Variants in SCYL1 observed in about 807,000 individuals in gnomAD.
The protein encoded by SCYL1 is SCY1 like pseudokinase 1.
SCYL1 carries 85 observed loss-of-function variants against 94.8 expected under a neutral mutation model. That is an observed-to-expected ratio of 0.90 (90% CI 0.75 to 1.07). The LOEUF is 1.07. Among genes scored for constraint, SCYL1 ranks in the 50% least tolerant of loss-of-function variants. The pLI is 0.00. For missense variants in SCYL1, 968 were observed against 1,083.3 expected (o/e 0.89, Z 1.49); for synonymous variants, 459 against 435.5 (o/e 1.05, Z -0.67).
In SCYL1 at chr11:65,526,810, C is replaced by T. The variant is rs1855105853; in HGVS notation, c.630C>T (p.Cys210=). 6.2e-7 allele frequency: 1 copy of T among 1,613,048 alleles called. No homozygotes were observed. The highest frequency in any genetic ancestry group is 1.1e-5 in the South Asian group (1 of 91,070). The change falls in exon 5 of 18, where the codon TGC becomes TGT. Residue 210 remains cysteine (C), a synonymous_variant. Coordinates refer to ENST00000270176, the MANE Select transcript of SCYL1 (RefSeq NM_020680.4). This position sits in a 1 kb window ranked among gnomAD's most constrained non-coding sequence, Gnocchi z 4.1. ...CAGCAGACATGTGGCGCTTGGGCTG[C>T]CTCATTTGGGAAGTCTTCAATGGGC... The part of the protein sequence containing the change: ...KWSADMWRLG[C]LIWEVFNGPL...
At chr11:65,538,410 G>C (rs1244250548) in intron 17 of SCYL1, 32 bp from the exon 18 acceptor site, 1 of 1,542,202 alleles carries the variant, frequency 6.5e-7, no homozygotes, top group Admixed American at 2.0e-5. Flanking sequence ...TGGCTGGAGA[G>C]CTGAGACCGG....
chr11:65,536,822 G>A lies in SCYL1; in HGVS notation c.1816+72G>A, dbSNP rs529349035. On this transcript the variant is annotated intron_variant, in intron 13 of 17. Coordinates refer to ENST00000270176, the MANE Select transcript of SCYL1 (RefSeq NM_020680.4). ...CTGCAGGCACCCAGGAACTCTTACT[G>A]TCTGACTCCCCCGGGGATGGTGAAG... 6.7e-3 allele frequency: 10,011 copies of A among 1,497,816 alleles called. 56 individuals carry two copies. The highest frequency in any genetic ancestry group is 7.5e-3 in the Non-Finnish European group (8,162 of 1,093,720). The allele number at this position is 1,497,816 out of a possible 1,614,324, so 92.8% of individuals were successfully genotyped here.
At chr11:65,537,672 T>C in intron 14 of SCYL1, 137 bp from the exon 15 acceptor site, 1 of 709,106 alleles carries the variant, frequency 1.4e-6, no homozygotes. Flanking sequence ...ATTTAATAGA[T>C]GGGAAACAGG....
Position 65,526,519 on chromosome 11 carries a change from G to A in SCYL1, c.602+169G>A, listed in dbSNP as rs1444999647. 6.6e-6 allele frequency among the ~76,000 whole-genome samples: 1 copy of A among 152,192 alleles called. No homozygotes were observed. The highest frequency in any genetic ancestry group is 1.9e-4 in the East Asian group (1 of 5,200). ...CTCTGCCCCCAGGGTCCTCAGGGCG[G>A]TAGGGCGGGATGGACACAGCATTCG... On this transcript the variant is annotated intron_variant, in intron 4 of 17. Transcript: ENST00000270176. This position sits in a 1 kb window ranked among gnomAD's most constrained non-coding sequence, Gnocchi z 4.1.
chr11:65,529,801 G>A (rs1035825050), intron 6 of SCYL1, among the ~76,000 whole-genome samples: 2 of 152,196 alleles, frequency 1.3e-5, no homozygotes, highest in Non-Finnish European at 2.9e-5. Context: ...CAGCACAGGA[G>A]AGGTGCCAAA....
chr11:65,536,412 G>T, intron 12 of SCYL1, 78 bp downstream of exon 12: 1 of 1,516,450 alleles, frequency 6.6e-7, no homozygotes, highest in Non-Finnish European at 9.1e-7. Context: ...ACCCCCACTG[G>T]AGTTTCTGAA....
rs562417006 is a variant in SCYL1, at chr11:65,537,897, G to A, written c.2031+17G>A. ...GCTAGTCAGGTGAGCTGGGTCTGGT[G>A]GGGAGGTGTGTGTATGGGGCTCTTT... On this transcript the variant is annotated intron_variant, in intron 15 of 17. Coordinates refer to ENST00000270176, the MANE Select transcript of SCYL1 (RefSeq NM_020680.4). The A allele has an allele frequency of 2.5e-6, 4 of 1,579,196 alleles. No homozygotes were observed. Among genetic ancestry groups the A allele is most frequent in the Middle Eastern group, 3.3e-4 (2 of 6,036 alleles).
At chr11:65,537,162 C>T (rs962489700) in intron 14 of SCYL1, 34 bp downstream of exon 14, 1 of 1,612,020 alleles carries the variant, frequency 6.2e-7, no homozygotes, top group Non-Finnish European at 8.5e-7. Context: ...CCCAGGGGAC[C>T]CCAGCTCAAA....
chr11:65,537,567 G>A (rs555253331), intron 14 of SCYL1, among the ~76,000 whole-genome samples: 1 of 152,244 alleles, frequency 6.6e-6, no homozygotes, highest in Admixed American at 6.5e-5. Flanking sequence ...CTGGCTGACA[G>A]CAGCAGTTTC....
At chr11:65,532,377 A>G (rs1590733378) in intron 8 of SCYL1, among the ~76,000 whole-genome samples, 1 of 147,682 alleles carries the variant, frequency 6.8e-6, no homozygotes, top group East Asian at 2.1e-4. Context: ...GTGAGCTGAG[A>G]TTGCGCCACT....
At position 65,531,660 on chromosome 11, in the gene SCYL1, A is replaced by G. The variant is rs1169390051; in HGVS notation, c.1093A>G (p.Met365Val). ...VKMFSSTDRA[M>V]RIRLLQQMEQ... Reference sequence around the variant, plus strand: ...GATGTTCTCATCCACTGACCGGGCCATGCGCATCCGCCTCCTGCAGCAGGT... The same window carrying G: ...GATGTTCTCATCCACTGACCGGGCCGTGCGCATCCGCCTCCTGCAGCAGGT... Residue 365 changes from methionine (M) to valine (V), a missense_variant, in exon 8 of 18, where the codon ATG (methionine) becomes GTG (valine). Transcript: ENST00000270176. 4 of 1,613,684 alleles carry G rather than the reference A, an allele frequency of 2.5e-6. No homozygotes were observed. In the African/African-American group the frequency reaches 5.3e-5, roughly 22 times the overall value.
At chr11:65,532,908 G>A in intron 9 of SCYL1, 103 bp downstream of exon 9, 1 of 829,068 alleles carries the variant, frequency 1.2e-6, no homozygotes, top group Non-Finnish European at 2.0e-6. Context: ...GGTCCAAGCA[G>A]ACACTGTCCT....
chr11:65,527,726 C>A (rs925769194), intron 6 of SCYL1, among the ~76,000 whole-genome samples: 1 of 117,576 alleles, frequency 8.5e-6, no homozygotes, highest in Non-Finnish European at 1.7e-5. Flanking sequence ...TGTGAGACTT[C>A]GTCTCAAAAA....
At chr11:65,537,725 G>T in intron 14 of SCYL1, 84 bp from the exon 15 acceptor site, 1 of 1,208,122 alleles carries the variant, frequency 8.3e-7, no homozygotes, top group South Asian at 1.5e-5. Flanking sequence ...ACAGTGGTGG[G>T]GCCCGTGGCT....
At chr11:65,525,378 A>T in intron 1 of SCYL1, 114 bp downstream of exon 1, 3 of 1,050,636 alleles carry the variant, frequency 2.9e-6, no homozygotes, top group Non-Finnish European at 2.6e-6. Flanking sequence ...AAGGGGTAGC[A>T]GGCCGGGGAG....
chr11:65,526,177 C>G lies in SCYL1; in HGVS notation c.429C>G (p.Cys143Trp). Reference sequence around the variant, plus strand: ...GCAGCCTCATCCACAACAATGTCTGCATGGCCGCCGTGTTCGTGGACCGAG... The same window carrying G: ...GCAGCCTCATCCACAACAATGTCTGGATGGCCGCCGTGTTCGTGGACCGAG... ...NDCSLIHNNV[C>W]MAAVFVDRAG... Residue 143 changes from cysteine to tryptophan, a missense_variant, in exon 4 of 18, where the codon TGC becomes TGG. Physicochemically the swap from Cys to Trp is radical, Grantham distance 215. Transcript: ENST00000270176. This position sits in a 1 kb window ranked among gnomAD's most constrained non-coding sequence, Gnocchi z 4.1. The G allele has an allele frequency of 6.2e-7, 1 of 1,613,402 alleles. No individual in the cohort carries two copies. Among genetic ancestry groups the G allele is most frequent in the East Asian group, 2.2e-5 (1 of 44,882 alleles).
chr11:65,535,138 C>A, intron 9 of SCYL1, 89 bp from the exon 10 acceptor site: 1 of 1,538,690 alleles, frequency 6.5e-7, no homozygotes, highest in Non-Finnish European at 8.9e-7. Context: ...GATGGGTGTG[C>A]TCTGGGATGA....
chr11:65,527,200 A>G, intron 6 of SCYL1, 83 bp downstream of exon 6: 1 of 1,487,658 alleles, frequency 6.7e-7, no homozygotes, highest in South Asian at 1.2e-5. Context: ...CTCACAATTG[A>G]CCCTCAGGAG....
intron 9 of SCYL1, 31 bp from the exon 10 acceptor site, chr11:65,535,196 C>T (rs1204704537): frequency 1.9e-6 from 3 of 1,605,846 alleles, no homozygotes; most frequent in Admixed American, 3.3e-5. Flanking sequence ...CCCGCCACAG[C>T]CCACAGTTCC....
Sources: allele counts gnomAD v4.1 joint callset (sites outside exome capture counted in the v4.1 genomes callset), GRCh38; gene constraint gnomAD v4.1.1; non-coding constraint Gnocchi (gnomAD v3.1); transcripts MANE v1.5; gene names NCBI Gene and HGNC (gene_info 2026-07-23, HGNC 2026-07-21).